MTREX: variants seen among roughly 807,000 people sequenced by gnomAD.
The protein encoded by MTREX is exosome RNA helicase MTR4.
Under a neutral mutation model 135.4 loss-of-function variants are expected in MTREX, and 76 were observed. That is an observed-to-expected ratio of 0.56 (90% CI 0.47 to 0.68). The LOEUF (loss-of-function observed/expected upper bound fraction) is 0.68. Among genes scored for constraint, MTREX ranks in the 30% least tolerant of loss-of-function variants. The probability of loss-of-function intolerance (pLI) is 0.00; values close to 1 mark genes in which losing one functional copy is unlikely to be tolerated. For missense variants in MTREX, 920 were observed against 1,262.1 expected (o/e 0.73, Z 4.11); for synonymous variants, 404 against 401.6 (o/e 1.01, Z -0.07).
At chr5:55,424,632 G>T (rs892367192) in intron 26 of MTREX, 88 bp from the exon 27 acceptor site, 1 of 859,148 alleles carries the variant, frequency 1.2e-6, no homozygotes, top group East Asian at 2.5e-5. Context: ...TTGAATCAGG[G>T]TTGGTATACT....
intron 1 of MTREX, among the ~76,000 whole-genome samples, chr5:55,317,350 G>A (rs1208591559): frequency 6.6e-6 from 1 of 152,086 alleles, no homozygotes; most frequent in African/African-American, 2.4e-5. Context: ...GAACAAAGCT[G>A]GAGAGGCATC....
At chr5:55,333,021 T>G (rs369114414) in intron 5 of MTREX, among the ~76,000 whole-genome samples, 1 of 152,178 alleles carries the variant, frequency 6.6e-6, no homozygotes, top group South Asian at 2.1e-4. Context: ...TTTTCCTGCT[T>G]CTTTGCATAC....
intron 18 of MTREX, among the ~76,000 whole-genome samples, chr5:55,379,866 G>A (rs1007247598): frequency 1.3e-5 from 2 of 152,248 alleles, no homozygotes; most frequent in South Asian, 4.1e-4. Context: ...TTTTGCTAAG[G>A]CAGAATATTT....
chr5:55,368,126 A>G (rs1270380073), intron 16 of MTREX, among the ~76,000 whole-genome samples: 2 of 152,186 alleles, frequency 1.3e-5, no homozygotes, highest in Non-Finnish European at 2.9e-5. Flanking sequence ...AATGCTTTGT[A>G]TTTAGTAGCT....
chr5:55,393,360 C>T (rs1026694402), intron 19 of MTREX, among the ~76,000 whole-genome samples: 1 of 152,170 alleles, frequency 6.6e-6, no homozygotes, highest in Non-Finnish European at 1.5e-5. Context: ...TTCACTGACA[C>T]AAATCCAGTT....
intron 26 of MTREX, chr5:55,423,611 CTTTACAAGGTAA>C (rs1339168770): frequency 6.6e-6 from 1 of 152,404 alleles, no homozygotes. Flanking sequence ...CCAACTTGGA[CTTTACAAGGTAA>C]TTGTTGCTCT....
chr5:55,313,687 TA>T (rs1749152516), intron 1 of MTREX, among the ~76,000 whole-genome samples: 1 of 152,238 alleles, frequency 6.6e-6, no homozygotes, highest in African/African-American at 2.4e-5. Flanking sequence ...TTACAGTTTT[TA>T]AGAATTGCTA....
intron 19 of MTREX, among the ~76,000 whole-genome samples, chr5:55,390,221 A>G (rs1022799470): frequency 2.0e-4 from 30 of 150,516 alleles, no homozygotes; most frequent in Admixed American, 9.3e-4. Context: ...TCCTGCCTCA[A>G]CCTCCCGAGT....
At chr5:55,384,599 T>C (rs1750449583) in intron 18 of MTREX, among the ~76,000 whole-genome samples, 1 of 152,216 alleles carries the variant, frequency 6.6e-6, no homozygotes, top group South Asian at 2.1e-4. Context: ...TGATAATATA[T>C]TGTAGTAACT....
chr5:55,362,267 C>G (rs963742259), intron 15 of MTREX, among the ~76,000 whole-genome samples: 3 of 151,718 alleles, frequency 2.0e-5, no homozygotes, highest in African/African-American at 7.3e-5. Context: ...ATAGAGAAAC[C>G]TTTTCAACTT....
chr5:55,414,102 A>T, intron 23 of MTREX, 80 bp from the exon 24 acceptor site: 1 of 969,542 alleles, frequency 1.0e-6, no homozygotes, highest in Non-Finnish European at 1.5e-6. Flanking sequence ...TACAAGCTTT[A>T]ATTTGTTAAA....
At chr5:55,363,720 T>G (rs1750051683) in intron 15 of MTREX, among the ~76,000 whole-genome samples, 1 of 152,190 alleles carries the variant, frequency 6.6e-6, no homozygotes, top group Non-Finnish European at 1.5e-5. Flanking sequence ...CCATGAAGAC[T>G]TTAAGCCTAG....
At chr5:55,415,926 T>C (rs1438944270) in intron 24 of MTREX, 44 bp from the exon 25 acceptor site, 15 of 1,368,554 alleles carry the variant, frequency 1.1e-5, no homozygotes, top group South Asian at 6.9e-5. Flanking sequence ...TAAAGTGATA[T>C]GGGAGATCAT....
chr5:55,409,620 CA>C (rs1750856392), intron 22 of MTREX, among the ~76,000 whole-genome samples: 1 of 152,112 alleles, frequency 6.6e-6, no homozygotes, highest in Admixed American at 6.6e-5. Flanking sequence ...ATCAAGTTGT[CA>C]GTTTAAAAAA....
chr5:55,354,509 C>G (rs985656328), intron 14 of MTREX, among the ~76,000 whole-genome samples: 18 of 152,316 alleles, frequency 1.2e-4, no homozygotes, highest in African/African-American at 4.1e-4. Context: ...TACAAATCAT[C>G]AAAATGCTGA....
intron 3 of MTREX, 56 bp downstream of exon 3, chr5:55,324,254 C>A: frequency 1.6e-6 from 2 of 1,272,916 alleles, no homozygotes; most frequent in Non-Finnish European, 2.3e-6. Context: ...TTTCTTTGGA[C>A]TATCTAGTAT....
intron 19 of MTREX, among the ~76,000 whole-genome samples, chr5:55,390,134 C>T (rs776714541): frequency 1.7e-4 from 26 of 151,874 alleles, no homozygotes; most frequent in Non-Finnish European, 2.6e-4. Flanking sequence ...GATGGAGTCT[C>T]GCTCTGTCAC....
chr5:55,383,291 A>G (rs1750426476), intron 18 of MTREX, among the ~76,000 whole-genome samples: 1 of 152,214 alleles, frequency 6.6e-6, no homozygotes, highest in African/African-American at 2.4e-5. Context: ...AGTTTAAAAT[A>G]AATGTCTAGT....
intron 24 of MTREX, among the ~76,000 whole-genome samples, chr5:55,414,971 G>T (rs917518673): frequency 6.6e-6 from 1 of 151,970 alleles, no homozygotes; most frequent in Non-Finnish European, 1.5e-5. Flanking sequence ...TTTAAAATCT[G>T]TTTTATCATA....
Sources: gnomAD v4.1 joint callset for allele counts (sites outside exome capture counted in the v4.1 genomes callset) on GRCh38, gnomAD v4.1.1 for gene constraint, MANE v1.5 for transcripts, NCBI Gene and HGNC (gene_info 2026-07-23, HGNC 2026-07-21) for gene names.